ANK2: variants seen among roughly 807,000 people sequenced by gnomAD.
ANK2 encodes the protein ankyrin-2.
ANK2 carries 83 observed loss-of-function variants against 360.5 expected under a neutral mutation model. That is an observed-to-expected ratio of 0.23 (90% confidence interval 0.19 to 0.28). ANK2 has a LOEUF of 0.28. Among genes scored for constraint, ANK2 ranks in the 10% least tolerant of loss-of-function variants. The probability of loss-of-function intolerance (pLI) is 1.00; values close to 1 mark genes in which losing one functional copy is unlikely to be tolerated. For missense variants in ANK2, 4,201 were observed against 4,795.7 expected, an observed-to-expected ratio of 0.88 and a Z score of 3.66; for synonymous variants, 1,740 against 1,759.5, an observed-to-expected ratio of 0.99 and a Z score of 0.28.
At chr4:113,281,683 A>G (rs1416981431) in intron 17 of ANK2, among the ~76,000 whole-genome samples, 1 of 152,148 alleles carries the variant, frequency 6.6e-6, no homozygotes, top group Non-Finnish European at 1.5e-5. Flanking sequence ...ATTCTACCGG[A>G]TTTGATAAAG....
intron 1 of ANK2, among the ~76,000 whole-genome samples, chr4:113,137,046 C>A (rs574217795): frequency 6.6e-6 from 1 of 152,228 alleles, no homozygotes; most frequent in South Asian, 2.1e-4. Context: ...GCTGGCCAGG[C>A]TGGTCTCAAA....
chr4:112,909,963 GA>G (rs1362940228), intron 2 of ANK2, among the ~76,000 whole-genome samples: 1 of 152,068 alleles, frequency 6.6e-6, no homozygotes, highest in East Asian at 1.9e-4. Context: ...GATGGTCATA[GA>G]ATTAATTAAG....
chr4:113,330,930 A>AT lies in ANK2; in HGVS notation c.3125+469dup, dbSNP rs969916407. 2.9e-4 allele frequency among the ~76,000 whole-genome samples: 44 copies of AT among 151,716 alleles called. 1 individual carries two copies. The highest frequency in any genetic ancestry group is 8.9e-4 in the African/African-American group (37 of 41,368). On this transcript the variant is annotated intron_variant, in intron 27 of 45. Transcript: ENST00000357077. ...AATACCTACAAATTTAATCAATGTG[A>AT]TTTTTTTTTCAGCTATCAAAATTGC...
At chr4:112,910,957 C>CTTTT (rs1163828806) in intron 2 of ANK2, among the ~76,000 whole-genome samples, 8 of 125,174 alleles carry the variant, frequency 6.4e-5, no homozygotes, top group African/African-American at 2.1e-4. Context: ...TATTATTTGC[C>CTTTT]TTTTTTTTTT....
chr4:113,289,473 A>G (rs1052192061), intron 20 of ANK2, among the ~76,000 whole-genome samples: 1 of 152,110 alleles, frequency 6.6e-6, no homozygotes, highest in Admixed American at 6.5e-5. Context: ...GGCCAACCAA[A>G]GTGCTGGGAT....
At chr4:112,933,649 C>T (rs2093465743) in intron 2 of ANK2, among the ~76,000 whole-genome samples, 1 of 152,022 alleles carries the variant, frequency 6.6e-6, no homozygotes. Context: ...TACAGGCATG[C>T]TCCACCAAGC....
intron 2 of ANK2, among the ~76,000 whole-genome samples, chr4:112,932,468 G>A (rs1190770515): frequency 6.7e-6 from 1 of 149,454 alleles, no homozygotes; most frequent in Non-Finnish European, 1.5e-5. Context: ...CTACAGCCTG[G>A]GTGACAGAGT....
At chr4:112,804,814 G>C in the ANK2 span, among the ~76,000 whole-genome samples, 1 of 151,858 alleles carries the variant, frequency 6.6e-6, no homozygotes, top group East Asian at 1.9e-4. Context: ...CAAAAAACTA[G>C]CCAGGCATGG....
the ANK2 span, among the ~76,000 whole-genome samples, chr4:112,789,877 A>C: frequency 1.3e-5 from 2 of 152,252 alleles, no homozygotes; most frequent in Non-Finnish European, 2.9e-5. Context: ...AAAACGAAAT[A>C]TCACCTTATA....
rs2095318118 is a variant in ANK2, at chr4:113,350,264, A to G, written c.4426+15A>G. 3 of 1,600,640 alleles carry G rather than the reference A, an allele frequency of 1.9e-6. No individual in the cohort carries two copies. The highest frequency in any genetic ancestry group is 2.6e-6 in the Non-Finnish European group (3 of 1,171,428). ...ATCAGAAAAAAGTAAGAATTTAAAGAAAATTGAGTTTGTTTGAAAGCTGGC... is the reference window on the plus strand; with the variant it reads ...ATCAGAAAAAAGTAAGAATTTAAAGGAAATTGAGTTTGTTTGAAAGCTGGC... On this transcript the variant is annotated intron_variant, in intron 37 of 45. Transcript: ENST00000357077.
At chr4:113,087,027 C>T (rs980305312) in intron 1 of ANK2, among the ~76,000 whole-genome samples, 3 of 152,118 alleles carry the variant, frequency 2.0e-5, no homozygotes, top group African/African-American at 7.2e-5. Context: ...CAGTTCTTAA[C>T]TTCAAAAAGG....
intron 1 of ANK2, among the ~76,000 whole-genome samples, chr4:113,101,054 G>A (rs145865083): frequency 3.9e-5 from 6 of 152,154 alleles, no homozygotes; most frequent in African/African-American, 1.2e-4. Flanking sequence ...GTAATGCTGT[G>A]TGATCCTGGA....
the ANK2 span, among the ~76,000 whole-genome samples, chr4:112,741,244 G>C: frequency 9.2e-5 from 14 of 152,228 alleles, no homozygotes; most frequent in South Asian, 8.3e-4. Context: ...TCTTCTCCCA[G>C]GCAGAAATTC....
intron 23 of ANK2, among the ~76,000 whole-genome samples, chr4:113,307,822 A>T (rs1251052603): frequency 6.6e-6 from 1 of 152,218 alleles, no homozygotes; most frequent in African/African-American, 2.4e-5. Flanking sequence ...TCAATTGTAC[A>T]TAAAAAGCCT....
At chr4:113,317,905 A>C (rs2083787221) in intron 25 of ANK2, 96 bp downstream of exon 25, 1 of 990,894 alleles carries the variant, frequency 1.0e-6, no homozygotes, top group Non-Finnish European at 1.6e-6. Flanking sequence ...TAATCCCCCC[A>C]AAATCATTCC....
the ANK2 span, among the ~76,000 whole-genome samples, chr4:112,752,480 T>C: frequency 0.02 from 3,052 of 152,278 alleles, 109 homozygotes; most frequent in African/African-American, 0.07. Flanking sequence ...AGCAGAATCC[T>C]GGCTCACTGC....
chr4:113,071,965 A>G (rs894756796), intron 1 of ANK2: 3 of 152,380 alleles, frequency 2.0e-5, no homozygotes, highest in African/African-American at 7.2e-5. Context: ...GATGCCCCTT[A>G]TAAAGCCATC....
chr4:113,259,801 C>A (rs1276405437), intron 13 of ANK2, among the ~76,000 whole-genome samples: 1 of 147,874 alleles, frequency 6.8e-6, no homozygotes, highest in East Asian at 2.0e-4. Context: ...GAGATGACTA[C>A]CTTTTTTTTT....
intron 1 of ANK2, among the ~76,000 whole-genome samples, chr4:112,851,358 G>A (rs1353538893): frequency 2.0e-5 from 3 of 152,150 alleles, no homozygotes; most frequent in African/African-American, 7.2e-5. Context: ...AGGGGTGAGC[G>A]AGGAGGTGGA....
Sources: gnomAD v4.1 joint callset for allele counts (sites outside exome capture counted in the v4.1 genomes callset) on GRCh38, gnomAD v4.1.1 for gene constraint, MANE v1.5 for transcripts, NCBI Gene and HGNC (gene_info 2026-07-23, HGNC 2026-07-21) for gene names.